RPRD1B: variants seen among roughly 807,000 people sequenced by gnomAD.
The protein encoded by RPRD1B is regulation of nuclear pre-mRNA domain containing 1B.
Under a neutral mutation model 41.5 loss-of-function variants are expected in RPRD1B, and 11 were observed. That is an observed-to-expected ratio of 0.27 (90% CI 0.17 to 0.44). The LOEUF is 0.44. Ranked by LOEUF, RPRD1B falls within the 20% of genes least tolerant of loss-of-function variation. The pLI is 1.00. For missense variants in RPRD1B, 248 were observed against 389.9 expected (o/e 0.64, Z 3.06); for synonymous variants, 158 against 155.6 (o/e 1.02, Z -0.12).
At chr20:38,041,892 A>T (rs1316821264) in intron 2 of RPRD1B, among the ~76,000 whole-genome samples, 1 of 152,170 alleles carries the variant, frequency 6.6e-6, no homozygotes, top group African/African-American at 2.4e-5. Context: ...TTTTTCCTAT[A>T]TTCCAGGCAC....
At chr20:38,079,843 C>A (rs1437548375) in intron 6 of RPRD1B, among the ~76,000 whole-genome samples, 3 of 152,090 alleles carry the variant, frequency 2.0e-5, no homozygotes, top group Non-Finnish European at 2.9e-5. Context: ...TCTCACTAGC[C>A]CTTTATAAGT....
chr20:38,082,123 A>G (rs988263839), intron 6 of RPRD1B, among the ~76,000 whole-genome samples: 7 of 152,154 alleles, frequency 4.6e-5, no homozygotes, highest in African/African-American at 1.7e-4. Flanking sequence ...TACTTTCAGT[A>G]GTAGGATTGG....
chr20:38,056,577 C>T (rs1198535546), intron 3 of RPRD1B, among the ~76,000 whole-genome samples: 1 of 151,948 alleles, frequency 6.6e-6, no homozygotes, highest in East Asian at 1.9e-4. Context: ...CCCCTTTTTT[C>T]TAAATGAGAG....
intron 6 of RPRD1B, among the ~76,000 whole-genome samples, chr20:38,088,519 C>T (rs1460644028): frequency 6.6e-6 from 1 of 152,172 alleles, no homozygotes; most frequent in East Asian, 1.9e-4. Flanking sequence ...CAGCAGGGGC[C>T]CAGCGTCAGG....
intron 5 of RPRD1B, 167 bp from the exon 6 acceptor site, chr20:38,065,914 G>A: frequency 1.6e-6 from 1 of 610,738 alleles, no homozygotes; most frequent in East Asian, 2.8e-5. Context: ...CAGAGTGAAT[G>A]CCTTTGGATT....
At chr20:38,069,150 C>A (rs2074386960) in intron 6 of RPRD1B, among the ~76,000 whole-genome samples, 1 of 152,080 alleles carries the variant, frequency 6.6e-6, no homozygotes, top group Admixed American at 6.5e-5. Flanking sequence ...TAATAAGCAT[C>A]TTTTTCTCTT....
intron 3 of RPRD1B, among the ~76,000 whole-genome samples, chr20:38,051,526 T>C (rs2074184702): frequency 6.6e-6 from 1 of 152,248 alleles, no homozygotes; most frequent in African/African-American, 2.4e-5. Context: ...ATGAGGATAC[T>C]GGCTCAAAAA....
At chr20:38,071,298 T>C (rs1329766330) in intron 6 of RPRD1B, among the ~76,000 whole-genome samples, 1 of 152,262 alleles carries the variant, frequency 6.6e-6, no homozygotes, top group African/African-American at 2.4e-5. Context: ...TGTATCAAGT[T>C]CCAAAACATA....
chr20:38,078,837 C>T (rs542940926), intron 6 of RPRD1B, among the ~76,000 whole-genome samples: 116 of 152,162 alleles, frequency 7.6e-4, no homozygotes, highest in Non-Finnish European at 1.4e-3. Context: ...ATAGGTAGAC[C>T]TTTAAGGAAA....
At chr20:38,049,947 T>TTGGCACTGC in intron 3 of RPRD1B, 1 of 425,878 alleles carries the variant, frequency 2.3e-6, no homozygotes, top group Middle Eastern at 3.5e-4. Flanking sequence ...GGATGCTCTG[T>TTGGCACTGC]TGGCACTGCT....
Position 38,089,986 on chromosome 20 carries a change from C to G in RPRD1B, c.*111C>G. On this transcript the variant is annotated 3_prime_UTR_variant, in exon 7 of 7. Transcript: ENST00000373433. Reference sequence around the variant, plus strand: ...TTCTATCCCTTCTTCCGCCCAGCCCCCCAGCCTCAAGAAAGAACCTCAGAC... The same window carrying G: ...TTCTATCCCTTCTTCCGCCCAGCCCGCCAGCCTCAAGAAAGAACCTCAGAC... 2 of 1,488,660 alleles carry G rather than the reference C, an allele frequency of 1.3e-6. No individual in the cohort carries two copies. The highest frequency in any genetic ancestry group is 2.3e-5 in the East Asian group (1 of 43,190). The allele number at this position is 1,488,660 out of a possible 1,614,324, so 92.2% of individuals were successfully genotyped here. A position where few individuals can be genotyped will look rare whatever the true frequency, so the allele number is the denominator to read the frequency against.
intron 6 of RPRD1B, among the ~76,000 whole-genome samples, chr20:38,074,198 A>T (rs930443397): frequency 2.0e-5 from 3 of 151,732 alleles, no homozygotes; most frequent in African/African-American, 7.3e-5. Flanking sequence ...GTTTCCCTCC[A>T]ATATGTGAGG....
At chr20:38,067,443 C>T (rs1486628461) in intron 6 of RPRD1B, among the ~76,000 whole-genome samples, 1 of 152,190 alleles carries the variant, frequency 6.6e-6, no homozygotes, top group African/African-American at 2.4e-5. Flanking sequence ...CAGGGAGAGC[C>T]ATGTCACCTC....
chr20:38,039,821 C>T (rs1189689136), intron 1 of RPRD1B, among the ~76,000 whole-genome samples: 1 of 151,552 alleles, frequency 6.6e-6, no homozygotes, highest in African/African-American at 2.4e-5. Context: ...GCAACCTCCA[C>T]CTCCTGGGTT....
intron 6 of RPRD1B, among the ~76,000 whole-genome samples, chr20:38,086,073 C>T (rs143415231): frequency 6.6e-6 from 1 of 151,966 alleles, no homozygotes; most frequent in Admixed American, 6.6e-5. Flanking sequence ...CCTCAGCCTC[C>T]CAAAGTGTTG....
chr20:38,047,930 A>G (rs2074136397), intron 2 of RPRD1B, among the ~76,000 whole-genome samples: 1 of 152,188 alleles, frequency 6.6e-6, no homozygotes, highest in Non-Finnish European at 1.5e-5. Flanking sequence ...GATGAGTTGC[A>G]GTGAATTTAT....
chr20:38,062,386 T>C (rs1334287237), intron 5 of RPRD1B, among the ~76,000 whole-genome samples: 1 of 152,134 alleles, frequency 6.6e-6, no homozygotes, highest in Non-Finnish European at 1.5e-5. Context: ...ACATCTCTAG[T>C]GTTGACCCTT....
chr20:38,092,025 A>G lies in RPRD1B; in HGVS notation c.*2150A>G. ...TTAATTCTGCTGTCCACATCCTCCCAAAGTGTGCTTACTTCATTTGTTTAA... is the reference window on the plus strand; with the variant it reads ...TTAATTCTGCTGTCCACATCCTCCCGAAGTGTGCTTACTTCATTTGTTTAA... On this transcript the variant is annotated 3_prime_UTR_variant, in exon 7 of 7. Coordinates refer to ENST00000373433, the MANE Select transcript of RPRD1B (RefSeq NM_021215.4). 1 of 985,820 alleles carries G rather than the reference A, an allele frequency of 1.0e-6. No individual in the cohort carries two copies. Among genetic ancestry groups the G allele is most frequent in the Non-Finnish European group, 1.2e-6 (1 of 829,922 alleles). 61.1% of individuals were successfully genotyped at this position (985,820 alleles called of 1,614,324 possible).
At chr20:38,078,952 T>C (rs2074489264) in intron 6 of RPRD1B, among the ~76,000 whole-genome samples, 1 of 152,234 alleles carries the variant, frequency 6.6e-6, no homozygotes, top group African/African-American at 2.4e-5. Context: ...AGAAAGGATC[T>C]TGTATCCCAT....
Sources: gnomAD v4.1 joint callset for allele counts (sites outside exome capture counted in the v4.1 genomes callset) on GRCh38, gnomAD v4.1.1 for gene constraint, MANE v1.5 for transcripts, NCBI Gene and HGNC (gene_info 2026-07-23, HGNC 2026-07-21) for gene names.